PFKFB1: variants seen among roughly 807,000 people sequenced by gnomAD.
The protein encoded by PFKFB1 is 6-phosphofructo-2-kinase/fructose-2,6-biphosphatase 1.
PFKFB1 carries 34 observed loss-of-function variants against 46.4 expected under a neutral mutation model. That is an observed-to-expected ratio of 0.73 (90% CI 0.56 to 0.98). PFKFB1 has a LOEUF of 0.98. Ranked by LOEUF, PFKFB1 falls within the 50% of genes least tolerant of loss-of-function variation. The probability of loss-of-function intolerance (pLI) is 0.00; values close to 1 mark genes in which losing one functional copy is unlikely to be tolerated. For synonymous variants in PFKFB1, 119 were observed against 133.8 expected (o/e 0.89, Z 0.76); for missense variants, 393 against 376.3 (o/e 1.04, Z -0.37).
chrX:54,945,701 C>CGTGTGTGT (rs72018084), intron 9 of PFKFB1, among the ~76,000 whole-genome samples, 158 bp from the exon 10 acceptor site: 5 of 101,751 alleles, frequency 4.9e-5, no homozygotes, highest in Non-Finnish European at 8.1e-5. Context: ...AGTGTGTATG[C>CGTGTGTGT]GTGTGTGTGT....
At chrX:54,997,295 T>C (rs1017856076), upstream of PFKFB1, among the ~76,000 whole-genome samples, 3 of 111,691 alleles carry the variant, frequency 2.7e-5, no homozygotes, top group African/African-American at 9.8e-5. Flanking sequence ...GATAAAAGAA[T>C]GAAGTCCTCT....
chrX:54,948,077 TGCACCCA>T (rs1040375109), intron 9 of PFKFB1, among the ~76,000 whole-genome samples: 1 of 110,285 alleles, frequency 9.1e-6, no homozygotes, highest in Non-Finnish European at 1.9e-5. Context: ...CATGCACCAC[TGCACCCA>T]GCTAATTTTT....
At chrX:54,948,234 T>G (rs1219697756) in intron 9 of PFKFB1, among the ~76,000 whole-genome samples, 1 of 111,499 alleles carries the variant, frequency 9.0e-6, no homozygotes, top group Non-Finnish European at 1.9e-5. Flanking sequence ...GATTCCACCT[T>G]TGAAACATTC....
chrX:54,997,885 C>A (rs778086906), upstream of PFKFB1, among the ~76,000 whole-genome samples: 4 of 112,306 alleles, frequency 3.6e-5, no homozygotes, highest in African/African-American at 1.3e-4. Context: ...ATAGAAAAAG[C>A]AAGATGACTA....
At chrX:54,968,515 A>T (rs2146649242) in intron 1 of PFKFB1, among the ~76,000 whole-genome samples, 1 of 111,461 alleles carries the variant, frequency 9.0e-6, no homozygotes, top group South Asian at 3.7e-4. Context: ...AAAATATAAT[A>T]GCTGAAATAA....
rs1333032976 is a variant in PFKFB1, at chrX:54,965,905, TATAAG to T, written c.98-2528_98-2524del. ...ATGGAAATGACTAAAAAAGTTTCTT[TATAAG>T]ATATCTAAATAATAAATAAATACAT... On this transcript the variant is annotated intron_variant, in intron 1 of 13. Coordinates refer to ENST00000375006, the MANE Select transcript of PFKFB1 (RefSeq NM_002625.4). Among the ~76,000 whole-genome samples, 11 of 110,538 alleles carry T rather than the reference TATAAG, an allele frequency of 1.0e-4. No individual in the cohort carries two copies. In the East Asian group the frequency reaches 1.4e-3, roughly 14 times the overall value.
intron 1 of PFKFB1, among the ~76,000 whole-genome samples, chrX:54,966,008 C>T (rs1056982287): frequency 9.1e-6 from 1 of 109,897 alleles, no homozygotes; most frequent in Non-Finnish European, 1.9e-5. Context: ...AAAAAGGAAA[C>T]GAAAGCCAAA....
intron 1 of PFKFB1, among the ~76,000 whole-genome samples, chrX:54,984,968 G>A (rs745495567): frequency 1.4e-4 from 16 of 110,936 alleles, no homozygotes; most frequent in African/African-American, 4.9e-4. Context: ...AAGACCAGAA[G>A]CTGCTGTCTC....
intron 12 of PFKFB1, among the ~76,000 whole-genome samples, 161 bp downstream of exon 12, chrX:54,934,786 C>T (rs1933330109): frequency 9.0e-6 from 1 of 111,682 alleles, no homozygotes; most frequent in Admixed American, 9.4e-5. Context: ...CCCTGTTATC[C>T]TACTACCATC....
intron 11 of PFKFB1, among the ~76,000 whole-genome samples, chrX:54,936,464 T>A (rs1454036733): frequency 9.0e-6 from 1 of 111,603 alleles, no homozygotes; most frequent in African/African-American, 3.3e-5. Flanking sequence ...CACACATGTC[T>A]GAGACGGGAA....
At chrX:54,952,241 G>A (rs372621668) in intron 7 of PFKFB1, 129 bp from the exon 8 acceptor site, 7 of 508,313 alleles carry the variant, frequency 1.4e-5, no homozygotes, top group Middle Eastern at 5.5e-4. Flanking sequence ...CTAATGTGAT[G>A]CAATGCCTTG....
At chrX:54,997,199 G>A (rs1935369755), upstream of PFKFB1, among the ~76,000 whole-genome samples, 1 of 112,166 alleles carries the variant, frequency 8.9e-6, no homozygotes, top group Non-Finnish European at 1.9e-5. Context: ...AGAGAGCTGT[G>A]CAGGGAATTG....
At chrX:54,953,597 C>G (rs373292587) in intron 7 of PFKFB1, among the ~76,000 whole-genome samples, 1 of 111,739 alleles carries the variant, frequency 8.9e-6, no homozygotes, top group African/African-American at 3.3e-5. Context: ...CCTCTCCAAT[C>G]ATTTCTTCTA....
chrX:54,943,760 A>G (rs1007138729), intron 10 of PFKFB1, among the ~76,000 whole-genome samples: 7 of 110,218 alleles, frequency 6.4e-5, no homozygotes, highest in Non-Finnish European at 5.7e-5. Flanking sequence ...CAAAAAATAA[A>G]TAAATAAATA....
At chrX:54,988,354 T>C (rs901643666) in intron 1 of PFKFB1, among the ~76,000 whole-genome samples, 1 of 111,395 alleles carries the variant, frequency 9.0e-6, no homozygotes. Context: ...TGCAACAACA[T>C]CTCATGTTCA....
In PFKFB1 at chrX:54,985,501, T is replaced by G. The variant is rs971360758; in HGVS notation, c.97+8410A>C. On this transcript the variant is annotated intron_variant, in intron 1 of 13. Coordinates refer to ENST00000375006, the MANE Select transcript of PFKFB1 (RefSeq NM_002625.4). ...AGAAGCAACACTGAAGGGTTCACAC[T>G]GCAGGGAAACATACTTTAAAAATAG... Among the ~76,000 whole-genome samples, 9 of 110,786 alleles carry G rather than the reference T, an allele frequency of 8.1e-5. No individual in the cohort carries two copies. In the Admixed American group the frequency reaches 8.7e-4, roughly 11 times the overall value.
chrX:54,988,748 C>A (rs1439613773), intron 1 of PFKFB1, among the ~76,000 whole-genome samples: 2 of 111,669 alleles, frequency 1.8e-5, no homozygotes, highest in African/African-American at 3.3e-5. Context: ...AAAGAAGAGT[C>A]TTTTCAAAAA....
At chrX:54,970,204 C>T (rs1038893112) in intron 1 of PFKFB1, among the ~76,000 whole-genome samples, 14 of 111,461 alleles carry the variant, frequency 1.3e-4, no homozygotes, top group South Asian at 3.8e-4. Flanking sequence ...CCACTGCAGC[C>T]GGCCCAAAAT....
At chrX:54,934,000 C>T in intron 12 of PFKFB1, 115 bp from the exon 13 acceptor site, 1 of 528,954 alleles carries the variant, frequency 1.9e-6, no homozygotes, top group Non-Finnish European at 3.2e-6. Flanking sequence ...ATACTGTGTA[C>T]AGATCATGAC....
Sources: allele counts gnomAD v4.1 joint callset (sites outside exome capture counted in the v4.1 genomes callset), GRCh38; gene constraint gnomAD v4.1.1; transcripts MANE v1.5; gene names NCBI Gene and HGNC (gene_info 2026-07-23, HGNC 2026-07-21).